AGBL1: variants seen among roughly 807,000 people sequenced by gnomAD.
AGBL1 encodes the protein AGBL carboxypeptidase 1, also known as cytosolic carboxypeptidase 4.
In AGBL1, 130 loss-of-function variants were observed where a neutral mutation model predicts 118.9. That is an observed-to-expected ratio of 1.09 (90% CI 0.95 to 1.26). The LOEUF (loss-of-function observed/expected upper bound fraction) is 1.26. Ranked by LOEUF, AGBL1 falls within the 50% of genes most tolerant of loss-of-function variation. The pLI is 0.00. For missense variants in AGBL1, 1,584 were observed against 1,298.1 expected (o/e 1.22, Z -3.38); for synonymous variants, 555 against 478.9 (o/e 1.16, Z -2.08).
At chr15:86,475,065 C>G (rs1191863410) in intron 18 of AGBL1, among the ~76,000 whole-genome samples, 2 of 152,062 alleles carry the variant, frequency 1.3e-5, no homozygotes, top group Non-Finnish European at 2.9e-5. Context: ...ACACCAAAAC[C>G]CCATCTGTAC....
intron 16 of AGBL1, among the ~76,000 whole-genome samples, chr15:86,295,025 G>T (rs1447968516): frequency 6.6e-6 from 1 of 152,142 alleles, no homozygotes; most frequent in African/African-American, 2.4e-5. Flanking sequence ...CTTGAAAACA[G>T]ATCTTCTGTT....
chr15:86,713,108 C>T (rs1158132542), intron 22 of AGBL1, among the ~76,000 whole-genome samples: 1 of 152,216 alleles, frequency 6.6e-6, no homozygotes, highest in Non-Finnish European at 1.5e-5. Flanking sequence ...GGACCCTACA[C>T]TCCCTTTCCT....
At chr15:86,094,698 T>A (rs1195638892) in intron 1 of AGBL1, among the ~76,000 whole-genome samples, 1 of 152,166 alleles carries the variant, frequency 6.6e-6, no homozygotes, top group Non-Finnish European at 1.5e-5. Context: ...CATTGACCAG[T>A]CATTGGATGA....
intron 23 of AGBL1, among the ~76,000 whole-genome samples, chr15:86,925,265 G>A (rs1327579810): frequency 6.6e-6 from 1 of 152,022 alleles, no homozygotes; most frequent in Non-Finnish European, 1.5e-5. Flanking sequence ...AGAGAGCTAA[G>A]CCCCAATCCT....
intron 17 of AGBL1, among the ~76,000 whole-genome samples, chr15:86,321,615 A>G (rs565890226): frequency 7.7e-6 from 1 of 129,138 alleles, no homozygotes; most frequent in Non-Finnish European, 1.7e-5. Context: ...TTAAAAATAC[A>G]AAAAAAAAAA....
rs577353869 is a variant in AGBL1 at position 86,128,766 on chromosome 15, T to C, written c.52-13238T>C. ...GATCTGGGGAATTAATCTGTACTTA[T>C]GTAGCAGAATGAAGGGAACTGGGGT... On this transcript the variant is annotated intron_variant, in intron 1 of 22. Transcript: ENST00000614907. Among the ~76,000 whole-genome samples, 2 of 152,316 alleles carry C rather than the reference T, an allele frequency of 1.3e-5. 1 individual carries two copies. Among genetic ancestry groups the C allele is most frequent in the South Asian group, 4.1e-4 (2 of 4,822 alleles).
At position 86,266,971 on chromosome 15, in the gene AGBL1, G is replaced by A; in HGVS notation, c.1752-19G>A. On this transcript the variant is annotated intron_variant, in intron 12 of 22. Coordinates refer to ENST00000614907, the MANE Select transcript of AGBL1 (RefSeq NM_001386094.1). ...GTAGTGATAACACATATGTTCACAT[G>A]TTCCTTATTTCATTGTAGGCCTTTG... 1 of 1,532,642 alleles carries A rather than the reference G, an allele frequency of 6.5e-7. No homozygotes were observed. The highest frequency in any genetic ancestry group is 8.9e-7 in the Non-Finnish European group (1 of 1,126,146). 94.9% of individuals were successfully genotyped at this position (1,532,642 alleles called of 1,614,324 possible). A position where few individuals can be genotyped will look rare whatever the true frequency, so the allele number is the denominator to read the frequency against.
intron 19 of AGBL1, among the ~76,000 whole-genome samples, chr15:86,531,972 G>A (rs1439370157): frequency 1.3e-5 from 2 of 151,342 alleles, no homozygotes; most frequent in African/African-American, 2.4e-5. Context: ...AAAATAATAA[G>A]AGCTATCTAT....
At chr15:86,175,582 G>A (rs539273830) in intron 5 of AGBL1, among the ~76,000 whole-genome samples, 28 of 152,060 alleles carry the variant, frequency 1.8e-4, no homozygotes, top group African/African-American at 6.0e-4. Context: ...TCCTTGAGGT[G>A]CATCACTAAA....
intron 18 of AGBL1, among the ~76,000 whole-genome samples, chr15:86,516,375 C>T (rs1445798026): frequency 1.3e-5 from 2 of 152,072 alleles, no homozygotes; most frequent in Non-Finnish European, 2.9e-5. Context: ...CTTGAGGTCT[C>T]GAGATATATT....
At chr15:86,704,114 C>A (rs909096411) in intron 22 of AGBL1, among the ~76,000 whole-genome samples, 1 of 152,144 alleles carries the variant, frequency 6.6e-6, no homozygotes, top group African/African-American at 2.4e-5. Context: ...TGGACCCCTT[C>A]CTTAGACCTT....
intron 18 of AGBL1, among the ~76,000 whole-genome samples, chr15:86,415,570 CTAAA>C (rs1490920788): frequency 8.5e-5 from 13 of 152,236 alleles, no homozygotes; most frequent in African/African-American, 2.6e-4. Context: ...ATTAAATAAA[CTAAA>C]TAGTGTATTT....
chr15:86,634,989 G>A (rs796668394), intron 21 of AGBL1, among the ~76,000 whole-genome samples: 45 of 152,084 alleles, frequency 3.0e-4, no homozygotes, highest in Middle Eastern at 3.4e-3. Flanking sequence ...TAAAGGGAAC[G>A]CCACTAGATG....
intron 17 of AGBL1, among the ~76,000 whole-genome samples, chr15:86,347,369 T>A (rs560889654): frequency 5.3e-5 from 8 of 152,346 alleles, no homozygotes; most frequent in African/African-American, 1.7e-4. Flanking sequence ...GTAATTATAG[T>A]CATTGCTAGA....
At chr15:87,009,931 T>C (rs1433569824) in intron 24 of AGBL1, among the ~76,000 whole-genome samples, 2 of 152,222 alleles carry the variant, frequency 1.3e-5, no homozygotes, top group Non-Finnish European at 2.9e-5. Flanking sequence ...TTGCTTTTGA[T>C]TTTACATGCT....
intron 17 of AGBL1, among the ~76,000 whole-genome samples, chr15:86,343,620 G>T (rs537690573): frequency 6.6e-6 from 1 of 152,218 alleles, no homozygotes; most frequent in Non-Finnish European, 1.5e-5. Flanking sequence ...AGAAAACATG[G>T]ATTAAAGGGG....
At chr15:87,012,213 A>T (rs1030245524) in intron 24 of AGBL1, among the ~76,000 whole-genome samples, 2 of 137,776 alleles carry the variant, frequency 1.5e-5, no homozygotes, top group Admixed American at 1.4e-4. Context: ...ACACACACAC[A>T]CACACACACA....
chr15:86,725,988 C>CA (rs5814260), intron 22 of AGBL1, among the ~76,000 whole-genome samples: 30,395 of 151,458 alleles, frequency 0.2, 3,540 homozygotes, highest in African/African-American at 0.32. Flanking sequence ...ACAGTATGGT[C>CA]AAAAAAAAGA....
chr15:86,891,071 C>T (rs1196284906), intron 22 of AGBL1, among the ~76,000 whole-genome samples: 2 of 151,870 alleles, frequency 1.3e-5, no homozygotes, highest in Admixed American at 6.6e-5. Context: ...TTCTGATTTC[C>T]TTGAGCAGTA....
Sources: gnomAD v4.1 joint callset for allele counts (sites outside exome capture counted in the v4.1 genomes callset) on GRCh38, gnomAD v4.1.1 for gene constraint, MANE v1.5 for transcripts, NCBI Gene and HGNC (gene_info 2026-07-23, HGNC 2026-07-21) for gene names.